TF: variants seen among roughly 807,000 people sequenced by gnomAD.
TF encodes the protein transferrin.
Under a neutral mutation model 82.4 loss-of-function variants are expected in TF, and 55 were observed. The ratio of observed to expected loss-of-function variants is 0.67; its 90% CI spans 0.54 to 0.84. TF has a LOEUF of 0.84. Ranked by LOEUF, TF falls within the 40% of genes least tolerant of loss-of-function variation. The probability of loss-of-function intolerance (pLI) is 0.00; values close to 1 mark genes in which losing one functional copy is unlikely to be tolerated. For synonymous variants in TF, 332 were observed against 332.6 expected, an observed-to-expected ratio of 1.00 and a Z score of 0.02; for missense variants, 737 against 868.4, an observed-to-expected ratio of 0.85 and a Z score of 1.90.
chr3:133,714,935 G>A, the TF span, among the ~76,000 whole-genome samples: 6 of 151,856 alleles, frequency 4.0e-5, no homozygotes, highest in South Asian at 2.1e-4. Flanking sequence ...CACCCGCCTC[G>A]GCCTCCCAAA....
the TF span, among the ~76,000 whole-genome samples, chr3:133,674,128 T>C: frequency 6.6e-6 from 1 of 152,178 alleles, no homozygotes; most frequent in African/African-American, 2.4e-5. Context: ...GAGCGCGTGC[T>C]TTCCAGGGGA....
At chr3:133,753,742 C>T (rs1214564095) in intron 3 of TF, 39 bp downstream of exon 3, 1 of 1,516,580 alleles carries the variant, frequency 6.6e-7, no homozygotes. Flanking sequence ...AGTTGTCATC[C>T]TTATTCTATA....
At chr3:133,774,971 A>C (rs1339273516) in intron 14 of TF, 5 of 358,952 alleles carry the variant, frequency 1.4e-5, no homozygotes, top group Non-Finnish European at 2.7e-5. Context: ...GAACTGGAAC[A>C]AGGGAGTCAG....
chr3:133,790,577 G>A lies in TF; in HGVS notation c.*11957G>A, dbSNP rs1934807328. On this transcript the variant is annotated 3_prime_UTR_variant, in exon 17 of 17. Coordinates refer to ENST00000402696, the MANE Select transcript of TF (RefSeq NM_001063.4). The stretch of plus-strand genomic sequence containing the variant: ...CCTGATAGAGAATTGGAGATATTTG[G>A]CTAATTAACATTTTCATAGTGAAAG... 6.6e-6 allele frequency: 1 copy of A among 152,154 alleles called. No individual in the cohort carries two copies. The highest frequency in any genetic ancestry group is 6.5e-5 in the Admixed American group (1 of 15,280). 9.4% of individuals were successfully genotyped at this position (152,154 alleles called of 1,614,324 possible).
rs762282281 is a variant in TF at position 133,777,141 on chromosome 3, A to G, written c.1965A>G (p.Val655=). 2 of 1,614,194 alleles carry G rather than the reference A, an allele frequency of 1.2e-6. No homozygotes were observed. The highest frequency in any genetic ancestry group is 2.7e-5 in the African/African-American group (2 of 75,040). The change falls in exon 16 of 17, where the codon GTA becomes GTG. Residue 655 remains valine (V), a synonymous_variant. Coordinates refer to ENST00000402696, the MANE Select transcript of TF (RefSeq NM_001063.4). ...TKDLLFRDDT[V]CLAKLHDRNT... ...ACCTTCTGTTCAGAGATGACACAGT[A>G]TGTTTGGCCAAACTTCATGACAGAA...
At chr3:133,694,674 A>G in the TF span, among the ~76,000 whole-genome samples, 2 of 152,210 alleles carry the variant, frequency 1.3e-5, no homozygotes, top group East Asian at 3.9e-4. Context: ...GCCAAAGGTC[A>G]GGACCTCCCA....
the TF span, among the ~76,000 whole-genome samples, chr3:133,731,959 A>T: frequency 6.6e-6 from 1 of 152,178 alleles, no homozygotes; most frequent in Non-Finnish European, 1.5e-5. Context: ...GTATACAGAG[A>T]AAAAGTCCTG....
At chr3:133,770,431 A>C (rs1934231472) in intron 13 of TF, 77 bp from the exon 14 acceptor site, 3 of 1,355,154 alleles carry the variant, frequency 2.2e-6, no homozygotes, top group Non-Finnish European at 3.2e-6. Flanking sequence ...TCCTGAATCT[A>C]TAAGGTAGCC....
the TF span, among the ~76,000 whole-genome samples, chr3:133,687,231 A>G: frequency 2.0e-5 from 3 of 152,160 alleles, no homozygotes; most frequent in Non-Finnish European, 4.4e-5. Flanking sequence ...GCATTAGGAG[A>G]TATACCTAAT....
At chr3:133,672,442 A>G in the TF span, among the ~76,000 whole-genome samples, 1 of 151,644 alleles carries the variant, frequency 6.6e-6, no homozygotes, top group African/African-American at 2.4e-5. Flanking sequence ...TCTCACGAAC[A>G]CAAATGCAAA....
chr3:133,709,011 T>G, the TF span, among the ~76,000 whole-genome samples: 3 of 152,138 alleles, frequency 2.0e-5, no homozygotes, highest in Non-Finnish European at 4.4e-5. Flanking sequence ...GGAGACCTAC[T>G]ACCTGCAAGA....
intron 9 of TF, among the ~76,000 whole-genome samples, chr3:133,759,633 C>T (rs1021361829): frequency 2.0e-5 from 3 of 152,164 alleles, no homozygotes; most frequent in African/African-American, 7.2e-5. Flanking sequence ...GTGCCACGAT[C>T]ACTGAGATAA....
At chr3:133,755,615 C>T in intron 5 of TF, 120 bp downstream of exon 5, 2 of 1,409,626 alleles carry the variant, frequency 1.4e-6, no homozygotes, top group Non-Finnish European at 2.0e-6. Flanking sequence ...GTGGCCTAAT[C>T]CCCTCCCAGT....
the TF span, among the ~76,000 whole-genome samples, chr3:133,698,368 T>A: frequency 3.4e-3 from 520 of 152,392 alleles, 5 homozygotes; most frequent in African/African-American, 0.012. Context: ...TTTCTAGGAC[T>A]GCTGTAGCAA....
chr3:133,723,432 G>A, the TF span, among the ~76,000 whole-genome samples: 1 of 148,678 alleles, frequency 6.7e-6, no homozygotes, highest in African/African-American at 2.5e-5. Context: ...TCACTGAATG[G>A]TGTCCCATAA....
the TF span, among the ~76,000 whole-genome samples, chr3:133,706,339 G>T: frequency 6.6e-6 from 1 of 152,186 alleles, no homozygotes; most frequent in African/African-American, 2.4e-5. Flanking sequence ...GATGGCAGGG[G>T]AGTTGATCAG....
the TF span, among the ~76,000 whole-genome samples, chr3:133,723,835 A>G: frequency 3.3e-5 from 5 of 151,444 alleles, no homozygotes; most frequent in Non-Finnish European, 7.4e-5. Context: ...TCCCCAGAGT[A>G]TGATGTTCCC....
At chr3:133,735,296 C>T in the TF span, among the ~76,000 whole-genome samples, 1 of 148,672 alleles carries the variant, frequency 6.7e-6, no homozygotes. Flanking sequence ...GCCAAGATCA[C>T]ACCACTGCAC....
At chr3:133,724,206 T>G in the TF span, among the ~76,000 whole-genome samples, 25 of 152,220 alleles carry the variant, frequency 1.6e-4, no homozygotes, top group Non-Finnish European at 3.7e-4. Flanking sequence ...GTATTTCTAG[T>G]TCTAGATCCC....
Sources: gnomAD v4.1 joint callset for allele counts (sites outside exome capture counted in the v4.1 genomes callset) on GRCh38, gnomAD v4.1.1 for gene constraint, MANE v1.5 for transcripts, NCBI Gene and HGNC (gene_info 2026-07-23, HGNC 2026-07-21) for gene names.